NTM: variants seen among roughly 807,000 people sequenced by gnomAD.
The protein encoded by NTM is IgLON family member 2.
In NTM, 13 loss-of-function variants were observed where a neutral mutation model predicts 42.1. The observed-to-expected ratio is 0.31, with a 90% confidence interval of 0.20 to 0.49. The LOEUF is 0.49. NTM is among the 20% of genes least tolerant of loss of function. The probability of loss-of-function intolerance (pLI) is 0.99; values close to 1 mark genes in which losing one functional copy is unlikely to be tolerated. For missense variants in NTM, 373 were observed against 452.8 expected (o/e 0.82, Z 1.60); for synonymous variants, 187 against 179.2 (o/e 1.04, Z -0.35).
At chr11:131,825,798 C>T (rs575763206) in intron 1 of NTM, among the ~76,000 whole-genome samples, 1 of 152,168 alleles carries the variant, frequency 6.6e-6, no homozygotes, top group Non-Finnish European at 1.5e-5. Context: ...TGGAAAGTGG[C>T]ATCATTTACT....
intron 1 of NTM, among the ~76,000 whole-genome samples, chr11:131,396,846 T>A (rs1944618656): frequency 6.7e-6 from 1 of 148,674 alleles, no homozygotes; most frequent in Non-Finnish European, 1.5e-5. Context: ...AAAAAAAAAA[T>A]GGGGAACATA....
chr11:131,860,782 G>T (rs1050927700), intron 1 of NTM, among the ~76,000 whole-genome samples: 3 of 152,166 alleles, frequency 2.0e-5, no homozygotes, highest in African/African-American at 7.2e-5. Flanking sequence ...CTTGGTAGAG[G>T]TGATGGTGGG....
chr11:131,790,347 G>T (rs997844370), intron 1 of NTM, among the ~76,000 whole-genome samples: 2 of 152,076 alleles, frequency 1.3e-5, no homozygotes, highest in Non-Finnish European at 2.9e-5. Context: ...ATATTGCAAT[G>T]ACATTTCTGA....
chr11:131,609,125 G>A (rs2061259814), intron 1 of NTM, among the ~76,000 whole-genome samples: 2 of 152,206 alleles, frequency 1.3e-5, no homozygotes, highest in South Asian at 4.1e-4. Context: ...TGAACCTCGG[G>A]AGGCTGAGCT....
At position 131,452,759 on chromosome 11, in the gene NTM, TCTC is replaced by T. The variant is rs1950576430; in HGVS notation, c.82+81874_82+81876del. Among the ~76,000 whole-genome samples the T allele has an allele frequency of 2.0e-5, 3 of 152,300 alleles. No individual in the cohort carries two copies. In the South Asian group the frequency reaches 6.2e-4, roughly 32 times the overall value. On this transcript the variant is annotated intron_variant, in intron 1 of 8. Transcript: ENST00000683400. ...AGATTCCTGAGAGCTCCTGCACCCT[TCTC>T]CTGCAGTGCAGACAATACTTAGAAT...
chr11:132,285,882 G>A (rs2094210686), intron 4 of NTM, among the ~76,000 whole-genome samples: 1 of 152,156 alleles, frequency 6.6e-6, no homozygotes, highest in Non-Finnish European at 1.5e-5. Context: ...GCCTCTTGTA[G>A]ATGGGAATCT....
At chr11:131,779,405 A>G (rs1477291949) in intron 1 of NTM, among the ~76,000 whole-genome samples, 1 of 152,068 alleles carries the variant, frequency 6.6e-6, no homozygotes, top group African/African-American at 2.4e-5. Flanking sequence ...AACATTTCCA[A>G]TCAATATTCA....
chr11:131,581,606 T>C (rs1393456740), intron 1 of NTM, among the ~76,000 whole-genome samples: 1 of 152,206 alleles, frequency 6.6e-6, no homozygotes, highest in Non-Finnish European at 1.5e-5. Flanking sequence ...ACTTCCTCGT[T>C]ATTCTGACTC....
intron 1 of NTM, among the ~76,000 whole-genome samples, chr11:131,615,979 G>A (rs2061893234): frequency 6.6e-6 from 1 of 152,264 alleles, no homozygotes; most frequent in Admixed American, 6.5e-5. Context: ...GCAAGGCTAA[G>A]CGTGGCTGGG....
At chr11:132,114,906 A>G (rs2063683003) in intron 2 of NTM, among the ~76,000 whole-genome samples, 1 of 152,184 alleles carries the variant, frequency 6.6e-6, no homozygotes. Context: ...TGCAGTGAAC[A>G]TGGGAGTGAG....
chr11:131,422,876 A>T (rs77056818), intron 1 of NTM, among the ~76,000 whole-genome samples: 14 of 152,358 alleles, frequency 9.2e-5, no homozygotes, highest in African/African-American at 3.4e-4. Context: ...TCAGCTTAAG[A>T]TCAGGGACTA....
At chr11:131,471,282 G>A (rs369781813) in intron 1 of NTM, among the ~76,000 whole-genome samples, 2 of 152,178 alleles carry the variant, frequency 1.3e-5, no homozygotes, top group African/African-American at 4.8e-5. Flanking sequence ...CCTTCCCAAG[G>A]AAGTTTTCCT....
At chr11:132,202,982 GA>G (rs1345563034) in intron 3 of NTM, among the ~76,000 whole-genome samples, 1 of 152,196 alleles carries the variant, frequency 6.6e-6, no homozygotes, top group Non-Finnish European at 1.5e-5. Flanking sequence ...ATAATCCACT[GA>G]GGTTATGCCA....
chr11:131,751,851 A>T (rs1237810901), intron 1 of NTM, among the ~76,000 whole-genome samples: 2 of 145,680 alleles, frequency 1.4e-5, no homozygotes, highest in Non-Finnish European at 3.0e-5. Context: ...CACACATTTG[A>T]TTATAAGCTC....
chr11:131,785,692 G>A (rs1225661471), intron 1 of NTM, among the ~76,000 whole-genome samples: 1 of 152,178 alleles, frequency 6.6e-6, no homozygotes, highest in Non-Finnish European at 1.5e-5. Flanking sequence ...AGACTGCAGA[G>A]GTGAGACTAA....
chr11:131,797,892 T>C (rs1255574097), intron 1 of NTM, among the ~76,000 whole-genome samples: 3 of 152,122 alleles, frequency 2.0e-5, no homozygotes, highest in Admixed American at 2.0e-4. Flanking sequence ...TTTTAAGCAG[T>C]CATAAATAAT....
At chr11:132,153,279 G>T (rs1299239128) in intron 3 of NTM, among the ~76,000 whole-genome samples, 1 of 152,142 alleles carries the variant, frequency 6.6e-6, no homozygotes, top group Admixed American at 6.5e-5. Flanking sequence ...TTTGGGGAAA[G>T]GACAAACACC....
chr11:131,643,051 G>GAAA (rs34377077), intron 1 of NTM, among the ~76,000 whole-genome samples: 5 of 132,034 alleles, frequency 3.8e-5, no homozygotes, highest in African/African-American at 8.1e-5. Context: ...GAAAAAGAAT[G>GAAA]AAAAAAAAAA....
chr11:132,283,742 G>A (rs914189050), intron 4 of NTM, among the ~76,000 whole-genome samples: 2 of 152,128 alleles, frequency 1.3e-5, no homozygotes, highest in African/African-American at 4.8e-5. Context: ...TGCTTTTAGC[G>A]AAGAGGGATA....
Sources: gnomAD v4.1 joint callset for allele counts (sites outside exome capture counted in the v4.1 genomes callset) on GRCh38, gnomAD v4.1.1 for gene constraint, MANE v1.5 for transcripts, NCBI Gene and HGNC (gene_info 2026-07-23, HGNC 2026-07-21) for gene names.